Variants in ODAD2 observed in about 807,000 individuals in gnomAD.
ODAD2 encodes the protein outer dynein arm docking complex subunit 2.
ODAD2 carries 89 observed loss-of-function variants against 106.8 expected under a neutral mutation model. That is an observed-to-expected ratio of 0.83 (90% CI 0.70 to 0.99). The LOEUF is 0.99. ODAD2 is among the 50% of genes least tolerant of loss of function. The probability of loss-of-function intolerance (pLI) is 0.00; values close to 1 mark genes in which losing one functional copy is unlikely to be tolerated. For synonymous variants in ODAD2, 404 were observed against 436.2 expected (o/e 0.93, Z 0.92); for missense variants, 1,168 against 1,238.5 (o/e 0.94, Z 0.85).
intron 17 of ODAD2, among the ~76,000 whole-genome samples, chr10:27,881,445 C>T (rs1046373324): frequency 1.3e-5 from 2 of 150,940 alleles, no homozygotes; most frequent in African/African-American, 4.9e-5. Flanking sequence ...GCCTGGGCAA[C>T]ATAGCAAGAC....
intron 16 of ODAD2, among the ~76,000 whole-genome samples, chr10:27,920,292 A>T (rs1335854327): frequency 1.3e-5 from 2 of 152,166 alleles, no homozygotes; most frequent in Admixed American, 1.3e-4. Flanking sequence ...TTTACAAATT[A>T]AAAAAATTTT....
At chr10:27,997,813 C>T (rs1414554960) in intron 1 of ODAD2, among the ~76,000 whole-genome samples, 1 of 152,124 alleles carries the variant, frequency 6.6e-6, no homozygotes, top group Non-Finnish European at 1.5e-5. Flanking sequence ...CGGTTTCTGC[C>T]CATTGCCAAG....
intron 16 of ODAD2, among the ~76,000 whole-genome samples, chr10:27,925,599 C>T (rs1845199951): frequency 6.6e-6 from 1 of 152,182 alleles, no homozygotes; most frequent in Non-Finnish European, 1.5e-5. Context: ...CTCAAGTGAT[C>T]CTCCTGCCTT....
intron 19 of ODAD2, among the ~76,000 whole-genome samples, chr10:27,843,255 AC>A (rs1838443806): frequency 6.6e-6 from 1 of 152,242 alleles, no homozygotes; most frequent in Non-Finnish European, 1.5e-5. Flanking sequence ...CCTATCTGCA[AC>A]AAATCTGTGC....
At chr10:27,890,027 C>T (rs1589937325) in intron 17 of ODAD2, among the ~76,000 whole-genome samples, 1 of 152,234 alleles carries the variant, frequency 6.6e-6, no homozygotes, top group Non-Finnish European at 1.5e-5. Flanking sequence ...AACAAAACTG[C>T]ACTTGTACCC....
intron 1 of ODAD2, 132 bp from the exon 2 acceptor site, chr10:27,995,312 A>G (rs1850495037): frequency 5.0e-6 from 5 of 1,002,354 alleles, no homozygotes; most frequent in Non-Finnish European, 7.1e-6. Context: ...TTCTTTTAAC[A>G]TTATCTAATT....
intron 16 of ODAD2, among the ~76,000 whole-genome samples, chr10:27,921,875 A>C (rs1844810808): frequency 6.6e-6 from 1 of 151,172 alleles, no homozygotes; most frequent in South Asian, 2.1e-4. Flanking sequence ...CTTGGGAATC[A>C]AGAACTTTAG....
intron 14 of ODAD2, among the ~76,000 whole-genome samples, 175 bp from the exon 15 acceptor site, chr10:27,937,055 T>C (rs528990708): frequency 6.6e-6 from 1 of 152,270 alleles, no homozygotes; most frequent in South Asian, 2.1e-4. Context: ...TCTGACAGCA[T>C]GTCTCTCTCC....
At chr10:27,910,374 C>T (rs376279413) in intron 16 of ODAD2, among the ~76,000 whole-genome samples, 2 of 152,012 alleles carry the variant, frequency 1.3e-5, no homozygotes, top group African/African-American at 4.8e-5. Flanking sequence ...TTCCAGAGCT[C>T]GGTATTTAAA....
intron 16 of ODAD2, among the ~76,000 whole-genome samples, chr10:27,929,642 A>T (rs1286597129): frequency 6.6e-6 from 1 of 152,122 alleles, no homozygotes; most frequent in Non-Finnish European, 1.5e-5. Context: ...ACATTCACCA[A>T]TCCTGTATGC....
chr10:27,937,980 G>C (rs1846110469), intron 14 of ODAD2, among the ~76,000 whole-genome samples: 1 of 152,114 alleles, frequency 6.6e-6, no homozygotes, highest in African/African-American at 2.4e-5. Context: ...GTTGCTCTCT[G>C]TTGCCCAGGC....
At chr10:27,919,466 A>G (rs1844623889) in intron 16 of ODAD2, among the ~76,000 whole-genome samples, 1 of 152,144 alleles carries the variant, frequency 6.6e-6, no homozygotes, top group African/African-American at 2.4e-5. Context: ...GACTTCAACA[A>G]AAGAGAAACA....
intron 6 of ODAD2, among the ~76,000 whole-genome samples, chr10:27,983,593 T>C (rs2133120406): frequency 6.6e-6 from 1 of 152,342 alleles, no homozygotes; most frequent in Admixed American, 6.5e-5. Context: ...TTAAAGACAT[T>C]TATAAAGTGG....
intron 3 of ODAD2, among the ~76,000 whole-genome samples, chr10:27,986,455 C>G (rs1259358599): frequency 1.3e-5 from 2 of 152,092 alleles, no homozygotes; most frequent in African/African-American, 4.8e-5. Context: ...AATGAATAAT[C>G]CTTCATCTAT....
chr10:27,970,846 C>T (rs182872514), intron 8 of ODAD2, among the ~76,000 whole-genome samples: 15 of 152,074 alleles, frequency 9.9e-5, no homozygotes, highest in Admixed American at 2.6e-4. Context: ...GTGGCATGTG[C>T]CTGTAATCCC....
chr10:27,830,688 C>A (rs564497215), intron 19 of ODAD2, among the ~76,000 whole-genome samples: 1 of 152,176 alleles, frequency 6.6e-6, no homozygotes, highest in Non-Finnish European at 1.5e-5. Context: ...TCTGAATATT[C>A]TCCCTGGAGC....
At chr10:27,988,449 C>T (rs1272025603) in intron 2 of ODAD2, among the ~76,000 whole-genome samples, 1 of 151,506 alleles carries the variant, frequency 6.6e-6, no homozygotes, top group Non-Finnish European at 1.5e-5. Context: ...GCAATCCTCC[C>T]ACCTCAGCCC....
At position 27,936,791 on chromosome 10, in the gene ODAD2, T is replaced by C. The variant is rs747752366; in HGVS notation, c.2187A>G (p.Lys729=). The C allele has an allele frequency of 1.2e-6, 2 of 1,614,088 alleles. No individual in the cohort carries two copies. Among genetic ancestry groups the C allele is most frequent in the Non-Finnish European group, 8.5e-7 (1 of 1,179,946 alleles). Residue 729 remains lysine, a synonymous_variant, in exon 15 of 20, where the codon AAA becomes AAG. Transcript: ENST00000305242. ...CCCCTGTGACAGCAGCTAACCGCTC[T>C]TTATTGTCAGTGTTATTGAGTAGAC... ...LASLLNNTDN[K]ERLAAVTGAI...
In ODAD2 at chr10:27,878,396, G is replaced by A. The variant is rs149738625; in HGVS notation, c.2611-15774C>T. Among the ~76,000 whole-genome samples, 973 of 152,250 alleles carry A rather than the reference G, an allele frequency of 6.4e-3. 8 individuals carry two copies. Among genetic ancestry groups the A allele is most frequent in the African/African-American group, 0.02 (851 of 41,578 alleles). On this transcript the variant is annotated intron_variant, in intron 17 of 19. Coordinates refer to ENST00000305242, the MANE Select transcript of ODAD2 (RefSeq NM_018076.5). ...AAAACAGAAAACTGGGTGTTTTGGC[G>A]TAAAGCAATTAAATTAATGGGTATG...
Sources: allele counts gnomAD v4.1 joint callset (sites outside exome capture counted in the v4.1 genomes callset), GRCh38; gene constraint gnomAD v4.1.1; transcripts MANE v1.5; gene names NCBI Gene and HGNC (gene_info 2026-07-23, HGNC 2026-07-21).